Variants in THTPA observed in about 807,000 individuals in gnomAD.
The protein encoded by THTPA is thiamine-triphosphatase.
Under a neutral mutation model 16.5 loss-of-function variants are expected in THTPA, and 16 were observed. The ratio of observed to expected loss-of-function variants is 0.97; its 90% CI spans 0.66 to 1.47. THTPA has a LOEUF of 1.47. THTPA is among the 40% of genes most tolerant of loss of function. THTPA has a pLI of 0.00. For missense variants in THTPA, 281 were observed against 280.9 expected (o/e 1.00, Z 0.00); for synonymous variants, 110 against 115.5 (o/e 0.95, Z 0.30).
chr14:23,524,983 AT>A, the THTPA span: 1 of 1,536,122 alleles, frequency 6.5e-7, no homozygotes, highest in Non-Finnish European at 8.7e-7. The surrounding 1 kb of genome is among the most constrained non-coding windows in gnomAD (Gnocchi z 5.6). Flanking sequence ...CCTCACAGGC[AT>A]TTTTGCGTGC....
chr14:23,524,026 C>T, the THTPA span: 28 of 1,514,586 alleles, frequency 1.8e-5, no homozygotes, highest in Middle Eastern at 1.7e-4. The surrounding 1 kb of genome is among the most constrained non-coding windows in gnomAD (Gnocchi z 5.6). Flanking sequence ...CAGAAGCAAG[C>T]GTGGCAGTGG....
chr14:23,540,815 T>C, the THTPA span, among the ~76,000 whole-genome samples: 1 of 152,250 alleles, frequency 6.6e-6, no homozygotes, highest in African/African-American at 2.4e-5. Context: ...GTAGTTCTTT[T>C]CCTTCTCTCT....
the THTPA span, among the ~76,000 whole-genome samples, chr14:23,529,081 A>G: frequency 1.3e-5 from 2 of 152,240 alleles, no homozygotes; most frequent in Non-Finnish European, 2.9e-5. Context: ...ATAACAATAA[A>G]TGTTACATAT....
At chr14:23,541,825 T>C in the THTPA span, among the ~76,000 whole-genome samples, 1 of 65,506 alleles carries the variant, frequency 1.5e-5, no homozygotes, top group South Asian at 4.6e-4. Context: ...TATCATTCTA[T>C]CATCTCTAAA....
the THTPA span, chr14:23,520,848 A>C: frequency 6.6e-6 from 1 of 151,182 alleles, no homozygotes; most frequent in African/African-American, 2.4e-5. This position sits in a 1 kb window ranked among gnomAD's most constrained non-coding sequence, Gnocchi z 8.7. Flanking sequence ...AGGAAAAAAA[A>C]CACTTGTCTG....
the THTPA span, among the ~76,000 whole-genome samples, chr14:23,520,665 A>G: frequency 2.0e-5 from 3 of 151,982 alleles, no homozygotes; most frequent in African/African-American, 7.3e-5. This position sits in a 1 kb window ranked among gnomAD's most constrained non-coding sequence, Gnocchi z 8.7. Context: ...GCCAGCTCCC[A>G]CCTTGGAGGC....
the THTPA span, chr14:23,530,311 A>G: frequency 0.16 from 127,033 of 787,980 alleles, 11,416 homozygotes; most frequent in Middle Eastern, 0.2. Context: ...GGATGGCTCA[A>G]TCAGCAGGTA....
the THTPA span, chr14:23,523,109 T>C: frequency 7.1e-7 from 1 of 1,400,460 alleles, no homozygotes; most frequent in Non-Finnish European, 9.2e-7. The surrounding 1 kb of genome is among the most constrained non-coding windows in gnomAD (Gnocchi z 4.1). Flanking sequence ...CCACAGGAGA[T>C]TGGGCATGGG....
Position 23,560,216 on chromosome 14 carries a change from G to T in THTPA, c.*1376G>T. On this transcript the variant is annotated 3_prime_UTR_variant, in exon 2 of 2. Transcript: ENST00000288014. ...CTCCACTTAGTGGCCTTTTCTCCTG[G>T]AGTCCCCAGGCCACCTCTGAACTCT... 1 of 1,606,410 alleles carries T rather than the reference G, an allele frequency of 6.2e-7. No individual in the cohort carries two copies. The highest frequency in any genetic ancestry group is 2.2e-5 in the East Asian group (1 of 44,772).
At chr14:23,532,832 T>C in the THTPA span, 2 of 1,536,528 alleles carry the variant, frequency 1.3e-6, no homozygotes, top group East Asian at 4.9e-5. Flanking sequence ...CTGGGTGCCA[T>C]AGCAGCAAAG....
At chr14:23,530,206 G>C in the THTPA span, 4 of 1,521,230 alleles carry the variant, frequency 2.6e-6, no homozygotes, top group Non-Finnish European at 2.6e-6. Flanking sequence ...TGTGTAGGAT[G>C]GGGGGAGAGT....
the THTPA span, chr14:23,530,634 G>A: frequency 6.2e-5 from 22 of 355,276 alleles, no homozygotes; most frequent in Admixed American, 8.9e-4. Context: ...TACCGCTCAA[G>A]TAAGAATTGA....
chr14:23,524,172 C>T, the THTPA span: 21 of 1,535,730 alleles, frequency 1.4e-5, no homozygotes, highest in Admixed American at 2.0e-5. The surrounding 1 kb of genome is among the most constrained non-coding windows in gnomAD (Gnocchi z 5.6). Flanking sequence ...GGACTAGGCA[C>T]CCCCCCAGGG....
At chr14:23,554,868 T>G (rs1165887715), upstream of THTPA, among the ~76,000 whole-genome samples, 1 of 152,142 alleles carries the variant, frequency 6.6e-6, no homozygotes, top group Non-Finnish European at 1.5e-5. Flanking sequence ...ACATGGAAGG[T>G]CAGACATATA....
chr14:23,523,749 G>A, the THTPA span: 1 of 1,536,232 alleles, frequency 6.5e-7, no homozygotes, highest in East Asian at 2.4e-5. The surrounding 1 kb of genome is among the most constrained non-coding windows in gnomAD (Gnocchi z 4.1). Flanking sequence ...TAGCGCCGCT[G>A]CCCCATTCCA....
the THTPA span, chr14:23,521,659 G>A: frequency 2.2e-5 from 8 of 363,932 alleles, no homozygotes; most frequent in African/African-American, 1.5e-4. Flanking sequence ...GTGTGTGGTA[G>A]GCAGACATGT....
chr14:23,526,071 T>A, the THTPA span: 1 of 1,536,498 alleles, frequency 6.5e-7, no homozygotes. Context: ...TCTTCTTGGC[T>A]GCGTTCTGGC....
chr14:23,525,826 G>C, the THTPA span: 8 of 1,458,508 alleles, frequency 5.5e-6, no homozygotes, highest in Non-Finnish European at 7.2e-6. This position sits in a 1 kb window ranked among gnomAD's most constrained non-coding sequence, Gnocchi z 5.9. Flanking sequence ...GCCCCACCTT[G>C]AGATCGTGGA....
At chr14:23,527,005 A>G in the THTPA span, 1 of 1,473,504 alleles carries the variant, frequency 6.8e-7, no homozygotes, top group Non-Finnish European at 8.9e-7. Context: ...TGGCTTCACC[A>G]CCACCCCCCA....
Sources: gnomAD v4.1 joint callset for allele counts (sites outside exome capture counted in the v4.1 genomes callset) on GRCh38, gnomAD v4.1.1 for gene constraint, Gnocchi (gnomAD v3.1) non-coding constraint, MANE v1.5 for transcripts, NCBI Gene and HGNC (gene_info 2026-07-23, HGNC 2026-07-21) for gene names.